Variants in DCAF6 observed in about 807,000 individuals in gnomAD.
The protein encoded by DCAF6 is DDB1- and CUL4-associated factor 6.
A neutral mutation model predicts 125.1 loss-of-function variants in DCAF6; 54 were observed. The ratio of observed to expected loss-of-function variants is 0.43; its 90% CI spans 0.35 to 0.54. The LOEUF (loss-of-function observed/expected upper bound fraction) is 0.54. DCAF6 is among the 20% of genes least tolerant of loss of function. DCAF6 has a pLI of 0.01. For synonymous variants in DCAF6, 371 were observed against 390.4 expected, an observed-to-expected ratio of 0.95 and a Z score of 0.58; for missense variants, 934 against 1,161.7, an observed-to-expected ratio of 0.80 and a Z score of 2.85.
chr1:168,072,321 A>AAAAAAAAAG (rs1693200024), intron 21 of DCAF6, among the ~76,000 whole-genome samples: 2 of 146,286 alleles, frequency 1.4e-5, no homozygotes, highest in African/African-American at 5.2e-5. Context: ...AAAAAAAAAA[A>AAAAAAAAAG]AAAAGAAAAG....
At chr1:167,906,149 A>T in the DCAF6 span, among the ~76,000 whole-genome samples, 2 of 152,178 alleles carry the variant, frequency 1.3e-5, no homozygotes, top group Admixed American at 1.3e-4. Context: ...TATCCCTTAG[A>T]TTTAAGGGGA....
chr1:168,019,835 T>C (rs1685463038), intron 11 of DCAF6: 1 of 168,824 alleles, frequency 5.9e-6, no homozygotes, highest in African/African-American at 2.4e-5. Flanking sequence ...GCAAGCAGGC[T>C]CTAAACAACA....
chr1:167,870,259 G>T, the DCAF6 span: 3 of 1,613,952 alleles, frequency 1.9e-6, no homozygotes. Context: ...ACACTCACCT[G>T]TGATTCTTAC....
At chr1:167,880,824 C>T in the DCAF6 span, among the ~76,000 whole-genome samples, 3 of 152,184 alleles carry the variant, frequency 2.0e-5, no homozygotes, top group African/African-American at 7.2e-5. Flanking sequence ...TTGTTTTGCT[C>T]CAGATATAGT....
At chr1:168,009,501 C>T (rs1683974858) in intron 10 of DCAF6, among the ~76,000 whole-genome samples, 3 of 144,652 alleles carry the variant, frequency 2.1e-5, no homozygotes, top group African/African-American at 7.7e-5. Flanking sequence ...CTTCTTCCCT[C>T]CCTTCCTTCC....
intron 11 of DCAF6, among the ~76,000 whole-genome samples, chr1:168,017,005 G>T (rs1685063792): frequency 6.6e-6 from 1 of 151,922 alleles, no homozygotes; most frequent in African/African-American, 2.4e-5. Context: ...CATTTTATAT[G>T]TGGTAAAATT....
At position 167,972,190 on chromosome 1, in the gene DCAF6, A is replaced by G. The variant is rs189653466; in HGVS notation, c.253-2640A>G. On this transcript the variant is annotated intron_variant, in intron 3 of 21. Coordinates refer to ENST00000367840, the MANE Select transcript of DCAF6 (RefSeq NM_001198956.2). ...AAAAATTATAACTTCCCAAGTACAC[A>G]TAAATATTTTTAATCAGCCTTATTG... Among the ~76,000 whole-genome samples, 29 of 152,350 alleles carry G rather than the reference A, an allele frequency of 1.9e-4. 1 individual carries two copies. In the East Asian group the frequency reaches 5.6e-3, roughly 29 times the overall value.
the DCAF6 span, among the ~76,000 whole-genome samples, chr1:167,919,631 A>G: frequency 1.3e-5 from 2 of 152,346 alleles, no homozygotes; most frequent in Non-Finnish European, 2.9e-5. Context: ...AGAAATTAAT[A>G]AATCATAAAC....
chr1:168,047,714 G>GTA (rs1180017627), intron 16 of DCAF6, among the ~76,000 whole-genome samples: 78 of 151,434 alleles, frequency 5.2e-4, no homozygotes, highest in Middle Eastern at 3.4e-3. Flanking sequence ...GTGTGTGTGT[G>GTA]TATATATATA....
intron 6 of DCAF6, among the ~76,000 whole-genome samples, chr1:167,991,997 A>G (rs12404574): frequency 0.24 from 35,922 of 151,908 alleles, 4,554 homozygotes; most frequent in Admixed American, 0.37. Flanking sequence ...AGACTCTGCT[A>G]TTTTTCAATC....
In DCAF6 at chr1:168,049,440, T is replaced by G. The variant is rs1409237595; in HGVS notation, c.2259-1452T>G. Among the ~76,000 whole-genome samples the G allele has an allele frequency of 1.5e-4, 22 of 146,894 alleles. No individual in the cohort carries two copies. The South Asian group carries it at 2.6e-3, about 17-fold the overall frequency. On this transcript the variant is annotated intron_variant, in intron 16 of 21. Coordinates refer to ENST00000367840, the MANE Select transcript of DCAF6 (RefSeq NM_001198956.2). ...TGTTGTTGTTGTTGTTGTTTTTTTTTTTTTTTTTTTTTAGAAGAGACAGTC... is the reference window on the plus strand; with the variant it reads ...TGTTGTTGTTGTTGTTGTTTTTTTTGTTTTTTTTTTTTAGAAGAGACAGTC...
the DCAF6 span, chr1:167,918,008 G>C: frequency 4.7e-6 from 1 of 214,466 alleles, no homozygotes; most frequent in Non-Finnish European, 9.2e-6. Context: ...CCAACTTCTT[G>C]AATTTGTGTG....
chr1:167,981,234 T>C (rs1175008315), intron 4 of DCAF6, among the ~76,000 whole-genome samples: 1 of 152,194 alleles, frequency 6.6e-6, no homozygotes, highest in African/African-American at 2.4e-5. Flanking sequence ...AGGAGTTTTA[T>C]ACTTTCAGTT....
At chr1:167,973,335 G>A (rs7541567) in intron 3 of DCAF6, among the ~76,000 whole-genome samples, 2,282 of 152,248 alleles carry the variant, frequency 0.015, 53 homozygotes, top group African/African-American at 0.05. Flanking sequence ...CCTTATTGGA[G>A]ATGTTGTTTG....
intron 2 of DCAF6, among the ~76,000 whole-genome samples, chr1:167,952,710 A>G (rs1255325107): frequency 1.3e-5 from 2 of 152,122 alleles, no homozygotes; most frequent in Non-Finnish European, 2.9e-5. Context: ...TCTCCAGCTC[A>G]AAATGACCCT....
At chr1:168,066,111 T>C (rs1357519721) in intron 19 of DCAF6, among the ~76,000 whole-genome samples, 1 of 152,202 alleles carries the variant, frequency 6.6e-6, no homozygotes, top group African/African-American at 2.4e-5. Flanking sequence ...CGTCTTCTTT[T>C]TGAAATTGCC....
At chr1:167,878,528 A>AAT in the DCAF6 span, 1 of 1,614,128 alleles carries the variant, frequency 6.2e-7, no homozygotes, top group Non-Finnish European at 8.5e-7. Flanking sequence ...AGCTCTTTAA[A>AAT]AAAGTACGCT....
At chr1:167,902,294 C>G in the DCAF6 span, among the ~76,000 whole-genome samples, 1 of 152,246 alleles carries the variant, frequency 6.6e-6, no homozygotes, top group Non-Finnish European at 1.5e-5. Flanking sequence ...TGGGGAAAGA[C>G]AGGAGAAAGG....
the DCAF6 span, chr1:167,893,969 T>A: frequency 2.6e-6 from 4 of 1,568,026 alleles, no homozygotes; most frequent in Non-Finnish European, 3.5e-6. Flanking sequence ...GGGTGCAGGC[T>A]CAGAGAGGGA....
Sources: allele counts gnomAD v4.1 joint callset (sites outside exome capture counted in the v4.1 genomes callset), GRCh38; gene constraint gnomAD v4.1.1; transcripts MANE v1.5; gene names NCBI Gene and HGNC (gene_info 2026-07-23, HGNC 2026-07-21).